DACH1: variants seen among roughly 807,000 people sequenced by gnomAD.
DACH1 encodes dachshund family transcription factor 1.
DACH1 carries 12 observed loss-of-function variants against 54.2 expected under a neutral mutation model. The observed-to-expected ratio is 0.22, with a 90% confidence interval of 0.14 to 0.36. The LOEUF (loss-of-function observed/expected upper bound fraction) is 0.36, where lower values mean the gene tolerates loss of function less well. DACH1 is among the 10% of genes least tolerant of loss of function. DACH1 has a pLI of 1.00. For missense variants in DACH1, 805 were observed against 929.8 expected (o/e 0.87, Z 1.75); for synonymous variants, 386 against 366.2 (o/e 1.05, Z -0.62).
At chr13:71,792,366 AC>A (rs1344385833) in intron 1 of DACH1, among the ~76,000 whole-genome samples, 1 of 139,036 alleles carries the variant, frequency 7.2e-6, no homozygotes, top group African/African-American at 2.7e-5. Context: ...ACACACACAC[AC>A]ACACCCCTGG....
chr13:71,607,902 G>C (rs185832924), intron 3 of DACH1, among the ~76,000 whole-genome samples: 1 of 152,114 alleles, frequency 6.6e-6, no homozygotes, highest in East Asian at 1.9e-4. Flanking sequence ...GAAAGTTACT[G>C]CATTTATTCC....
chr13:71,631,949 A>C (rs2138573178), intron 2 of DACH1, among the ~76,000 whole-genome samples: 1 of 152,146 alleles, frequency 6.6e-6, no homozygotes, highest in Admixed American at 6.5e-5. Context: ...AAATACAAAA[A>C]GTAGCTGGGC....
intron 7 of DACH1, among the ~76,000 whole-genome samples, chr13:71,482,483 A>T (rs796503853): frequency 2.6e-5 from 4 of 152,320 alleles, no homozygotes; most frequent in African/African-American, 9.6e-5. Flanking sequence ...ATTTGTTCTC[A>T]ATAATGTGTT....
chr13:71,662,862 A>T (rs1193638612), intron 2 of DACH1, among the ~76,000 whole-genome samples: 1 of 151,974 alleles, frequency 6.6e-6, no homozygotes, highest in Non-Finnish European at 1.5e-5. Flanking sequence ...CCTCTTTGAA[A>T]AAATTTATAG....
At chr13:71,661,816 CT>C (rs1320023924) in intron 2 of DACH1, among the ~76,000 whole-genome samples, 3 of 151,940 alleles carry the variant, frequency 2.0e-5, no homozygotes, top group Non-Finnish European at 4.4e-5. Context: ...CACACAGTTT[CT>C]CAGTGGGCTC....
At chr13:71,788,639 T>C (rs947699866) in intron 1 of DACH1, among the ~76,000 whole-genome samples, 4 of 152,010 alleles carry the variant, frequency 2.6e-5, no homozygotes, top group Admixed American at 2.0e-4. Flanking sequence ...AAATGTAAAA[T>C]ACATTGTTAC....
intron 2 of DACH1, among the ~76,000 whole-genome samples, chr13:71,664,550 T>C (rs1879706629): frequency 6.6e-6 from 1 of 152,020 alleles, no homozygotes; most frequent in Non-Finnish European, 1.5e-5. Context: ...ATGATACTAA[T>C]GACAGAATTG....
chr13:71,552,736 G>A (rs1883892724), intron 6 of DACH1, among the ~76,000 whole-genome samples: 2 of 139,656 alleles, frequency 1.4e-5, no homozygotes, highest in Non-Finnish European at 3.1e-5. Context: ...GACTCCGGAT[G>A]TTTGGAAAAG....
chr13:71,815,624 T>C (rs1017446085), intron 1 of DACH1, among the ~76,000 whole-genome samples: 1 of 152,324 alleles, frequency 6.6e-6, no homozygotes, highest in African/African-American at 2.4e-5. Flanking sequence ...ATTTTTCAAG[T>C]CCTTTTTTAG....
intron 6 of DACH1, among the ~76,000 whole-genome samples, chr13:71,510,950 A>C (rs1020665140): frequency 6.6e-6 from 1 of 152,084 alleles, no homozygotes; most frequent in African/African-American, 2.4e-5. Flanking sequence ...TGAACCTTAA[A>C]GAGATTGAGT....
chr13:71,511,747 C>A (rs559468097), intron 6 of DACH1, among the ~76,000 whole-genome samples: 1 of 152,024 alleles, frequency 6.6e-6, no homozygotes, highest in East Asian at 1.9e-4. Context: ...TAATGATTAC[C>A]TTTCTTTTCC....
chr13:71,464,380 A>G (rs1931485), intron 10 of DACH1, among the ~76,000 whole-genome samples: 139,274 of 151,966 alleles, frequency 0.92, 65,043 homozygotes, highest in East Asian at 1. Flanking sequence ...GCAAAATAAT[A>G]TGTTTGTTTT....
chr13:71,516,667 A>G (rs1252938874), intron 6 of DACH1, among the ~76,000 whole-genome samples: 1 of 151,894 alleles, frequency 6.6e-6, no homozygotes, highest in Non-Finnish European at 1.5e-5. Context: ...ACTGTGATCA[A>G]CATTGTACTA....
intron 1 of DACH1, among the ~76,000 whole-genome samples, chr13:71,754,593 G>A (rs1885064678): frequency 6.6e-6 from 1 of 152,156 alleles, no homozygotes; most frequent in Non-Finnish European, 1.5e-5. Context: ...TCAGACTTTA[G>A]TAACCATTCT....
intron 3 of DACH1, among the ~76,000 whole-genome samples, chr13:71,612,540 C>T (rs190022940): frequency 6.6e-6 from 1 of 152,178 alleles, no homozygotes; most frequent in East Asian, 1.9e-4. Context: ...AAGTGGGAGT[C>T]CAAACAGTAG....
intron 4 of DACH1, among the ~76,000 whole-genome samples, chr13:71,572,602 C>A (rs1356937866): frequency 2.6e-5 from 4 of 152,108 alleles, no homozygotes; most frequent in Non-Finnish European, 5.9e-5. Flanking sequence ...TGAACTATAA[C>A]ATTTAATGTC....
At chr13:71,820,528 T>G (rs141852430) in intron 1 of DACH1, among the ~76,000 whole-genome samples, 1 of 152,336 alleles carries the variant, frequency 6.6e-6, no homozygotes, top group East Asian at 1.9e-4. Flanking sequence ...TTTTAACTTT[T>G]AAGTTTCACA....
At chr13:71,598,244 C>T (rs1359540010) in intron 3 of DACH1, among the ~76,000 whole-genome samples, 2 of 151,946 alleles carry the variant, frequency 1.3e-5, no homozygotes, top group African/African-American at 4.8e-5. Flanking sequence ...ATAAATGTTG[C>T]AATTTAAAAT....
At chr13:71,695,086 A>G (rs1295074997) in intron 1 of DACH1, among the ~76,000 whole-genome samples, 1 of 152,244 alleles carries the variant, frequency 6.6e-6, no homozygotes, top group Non-Finnish European at 1.5e-5. Context: ...AGAAGTCTAG[A>G]AAAGACAACA....
Sources: gnomAD v4.1 joint callset for allele counts (sites outside exome capture counted in the v4.1 genomes callset) on GRCh38, gnomAD v4.1.1 for gene constraint, MANE v1.5 for transcripts, NCBI Gene and HGNC (gene_info 2026-07-23, HGNC 2026-07-21) for gene names.